The following UCMA variants were observed in gnomAD, a reference collection of about 807,000 sequenced individuals.
The protein encoded by UCMA is upper zone of growth plate and cartilage matrix associated, also known as upper zone of growth plate and cartilage matrix-associated protein.
Under a neutral mutation model 21.8 loss-of-function variants are expected in UCMA, and 21 were observed. The observed-to-expected ratio is 0.97, with a 90% CI of 0.68 to 1.39. The LOEUF is 1.39. UCMA is among the 40% of genes most tolerant of loss of function. The pLI, the probability that UCMA is intolerant of heterozygous loss-of-function variation, is 0.00. For missense variants in UCMA, 193 were observed against 178.9 expected (o/e 1.08, Z -0.45); for synonymous variants, 76 against 67.9 (o/e 1.12, Z -0.58).
At chr10:13,228,148 C>T (rs1336903483) in intron 4 of UCMA, among the ~76,000 whole-genome samples, 1 of 152,038 alleles carries the variant, frequency 6.6e-6, no homozygotes, top group African/African-American at 2.4e-5. Context: ...CAAGCTCCAC[C>T]TCCAAGTTTC....
intron 4 of UCMA, among the ~76,000 whole-genome samples, chr10:13,223,144 T>C (rs1834779435): frequency 6.6e-6 from 1 of 150,730 alleles, no homozygotes; most frequent in African/African-American, 2.4e-5. Context: ...GAGAATCACT[T>C]GAACCTGGGA....
rs1472529319 is a variant in UCMA at position 13,222,052 on chromosome 10, G to T, written c.*51C>A. The T allele has an allele frequency of 1.3e-6, 2 of 1,592,726 alleles. No homozygotes were observed. The highest frequency in any genetic ancestry group is 1.7e-6 in the Non-Finnish European group (2 of 1,161,110). ...ATGGGAAAGATTGCTGGAACACGGG[G>T]ATGCCAATGGTGCTACAAGCTTTGT... On this transcript the variant is annotated 3_prime_UTR_variant, in exon 5 of 5. Coordinates refer to ENST00000378681, the MANE Select transcript of UCMA (RefSeq NM_145314.3).
chr10:13,231,393 C>T (rs1834897464), intron 3 of UCMA, among the ~76,000 whole-genome samples: 2 of 152,176 alleles, frequency 1.3e-5, no homozygotes, highest in Admixed American at 1.3e-4. Flanking sequence ...AGAGGTCACA[C>T]AGCAGATTGG....
At chr10:13,234,180 C>T (rs1019963973) in intron 1 of UCMA, 21 bp downstream of exon 1, 1 of 1,607,160 alleles carries the variant, frequency 6.2e-7, no homozygotes, top group African/African-American at 1.3e-5. Context: ...ACACCCTCCA[C>T]CTTGACCCTC....
At chr10:13,228,406 A>G (rs1246826950) in intron 4 of UCMA, among the ~76,000 whole-genome samples, 2 of 152,132 alleles carry the variant, frequency 1.3e-5, no homozygotes, top group East Asian at 3.9e-4. Flanking sequence ...GAGGATACAA[A>G]TAGGAGAAGC....
rs779591601 is a variant in UCMA, at chr10:13,233,755, G to A, written c.104C>T (p.Ala35Val). ...CTCACCTTCACTCGCCTCTTCTCCC[G>A]CCATCTGCATGGTGCCCACAGATAC... ...TSVSVGTMQMAGEEASEDAKQ... is the reference protein window; with the variant it reads ...TSVSVGTMQMVGEEASEDAKQ... Residue 35 changes from alanine (A) to valine (V), a missense_variant, in exon 2 of 5, where the codon GCG becomes GTG. Ala to Val is a moderately conservative substitution (Grantham distance 64). Coordinates refer to ENST00000378681, the MANE Select transcript of UCMA (RefSeq NM_145314.3). 4.6e-5 allele frequency: 74 copies of A among 1,613,788 alleles called. 2 individuals carry two copies. Among genetic ancestry groups the A allele is most frequent in the South Asian group, 4.4e-4 (40 of 91,078 alleles).
intron 4 of UCMA, 113 bp downstream of exon 4, chr10:13,229,498 T>G (rs1322659446): frequency 3.3e-6 from 3 of 915,970 alleles, no homozygotes; most frequent in Non-Finnish European, 4.9e-6. Context: ...AGAGCAAGAC[T>G]TCGTCTCAAA....
chr10:13,231,989 A>G lies in UCMA; in HGVS notation c.220+1549T>C, dbSNP rs1834904692. Among the ~76,000 whole-genome samples the G allele has an allele frequency of 3.9e-5, 6 of 152,048 alleles. No homozygotes were observed. The South Asian group carries it at 1.2e-3, about 32-fold the overall frequency. ...CTGGGTGTTCACCAGGCTGTCCTGC[A>G]CCTCCCATGACTAATTGACACACTG... On this transcript the variant is annotated intron_variant, in intron 3 of 4. Coordinates refer to ENST00000378681, the MANE Select transcript of UCMA (RefSeq NM_145314.3).
intron 3 of UCMA, among the ~76,000 whole-genome samples, chr10:13,233,292 C>T (rs1480458403): frequency 2.6e-5 from 4 of 152,350 alleles, no homozygotes; most frequent in Non-Finnish European, 5.9e-5. Flanking sequence ...GAGGACCTGT[C>T]TCCAAGTCAT....
chr10:13,234,058 C>T, intron 1 of UCMA, 143 bp downstream of exon 1: 1 of 712,050 alleles, frequency 1.4e-6, no homozygotes, highest in Non-Finnish European at 2.3e-6. Flanking sequence ...TTGTGTCCTA[C>T]ATGCACACGA....
chr10:13,234,220 G>A lies in UCMA; in HGVS notation c.39C>T (p.Ser13=), dbSNP rs550423697. 47 of 1,613,668 alleles carry A rather than the reference G, an allele frequency of 2.9e-5. No homozygotes were observed. The highest frequency in any genetic ancestry group is 3.6e-5 in the Non-Finnish European group (42 of 1,179,958). The change falls in exon 1 of 5, where the codon TCC becomes TCT. Residue 13 remains serine (S), a synonymous_variant. Transcript: ENST00000378681. ...WRQAVLLSCF[S]AVVLLSMLRE... ...ACTCACTAGACAGGAGCACCACGGC[G>A]GAGAAGCAAGACAGCAGGACGGCCT...
At chr10:13,229,840 G>A in intron 3 of UCMA, 131 bp from the exon 4 acceptor site, 1 of 658,390 alleles carries the variant, frequency 1.5e-6, no homozygotes. Flanking sequence ...GATTGTGATT[G>A]GAGACTTCCC....
At chr10:13,231,271 T>C (rs1161583363) in intron 3 of UCMA, among the ~76,000 whole-genome samples, 2 of 152,090 alleles carry the variant, frequency 1.3e-5, no homozygotes, top group Non-Finnish European at 2.9e-5. Context: ...GCAGGAAACT[T>C]GAGTCTGGCA....
chr10:13,224,198 T>G (rs10906323), intron 4 of UCMA, among the ~76,000 whole-genome samples: 65,640 of 151,780 alleles, frequency 0.43, 14,650 homozygotes, highest in African/African-American at 0.53. Flanking sequence ...GTGATAGCAC[T>G]TGCCTATAGT....
intron 4 of UCMA, among the ~76,000 whole-genome samples, chr10:13,225,117 T>C (rs942414): frequency 0.1 from 15,822 of 151,960 alleles, 1,059 homozygotes; most frequent in East Asian, 0.26. Context: ...AGAAGTGCAG[T>C]GGCACAATCA....
chr10:13,230,829 G>A (rs1195812677), intron 3 of UCMA, among the ~76,000 whole-genome samples: 1 of 152,220 alleles, frequency 6.6e-6, no homozygotes, highest in Non-Finnish European at 1.5e-5. Flanking sequence ...GGCCGAGGCG[G>A]GCGGATCACT....
intron 1 of UCMA, 106 bp from the exon 2 acceptor site, chr10:13,233,906 G>T: frequency 7.0e-7 from 1 of 1,419,582 alleles, no homozygotes; most frequent in Non-Finnish European, 9.5e-7. Context: ...CCAGGGCCTG[G>T]CAGGGGGCCC....
intron 4 of UCMA, among the ~76,000 whole-genome samples, chr10:13,228,340 G>A (rs1834851589): frequency 6.6e-6 from 1 of 152,054 alleles, no homozygotes; most frequent in Non-Finnish European, 1.5e-5. Context: ...TGGCCTCCCT[G>A]GGCCTTTCCT....
At chr10:13,224,930 A>T (rs1412564868) in intron 4 of UCMA, among the ~76,000 whole-genome samples, 2 of 152,218 alleles carry the variant, frequency 1.3e-5, no homozygotes, top group Non-Finnish European at 2.9e-5. Context: ...TCACAGAGCC[A>T]GGCCCAGGCC....
Sources: gnomAD v4.1 joint callset for allele counts (sites outside exome capture counted in the v4.1 genomes callset) on GRCh38, gnomAD v4.1.1 for gene constraint, MANE v1.5 for transcripts, NCBI Gene and HGNC (gene_info 2026-07-23, HGNC 2026-07-21) for gene names.